Variants in MITF observed in about 807,000 individuals in gnomAD.
MITF encodes microphthalmia-associated transcription factor.
Under a neutral mutation model 60.5 loss-of-function variants are expected in MITF, and 17 were observed. That is an observed-to-expected ratio of 0.28 (90% CI 0.19 to 0.42). The LOEUF (loss-of-function observed/expected upper bound fraction) is 0.42, where lower values mean the gene tolerates loss of function less well. Ranked by LOEUF, MITF falls within the 10% of genes least tolerant of loss-of-function variation. The pLI is 1.00. For missense variants in MITF, 622 were observed against 683.5 expected (o/e 0.91, Z 1.00); for synonymous variants, 260 against 248.5 (o/e 1.05, Z -0.43).
At chr3:69,880,608 A>G (rs899976661) in intron 2 of MITF, among the ~76,000 whole-genome samples, 2 of 151,934 alleles carry the variant, frequency 1.3e-5, no homozygotes, top group African/African-American at 4.8e-5. Context: ...AGTTAACTCA[A>G]GGTTTTCTCT....
In MITF at chr3:69,872,961, G is replaced by C. The variant is rs373123783; in HGVS notation, c.105-6173G>C. 2.6e-5 allele frequency among the ~76,000 whole-genome samples: 4 copies of C among 152,276 alleles called. No homozygotes were observed. In the East Asian group the frequency reaches 5.8e-4, roughly 22 times the overall value. Reference sequence around the variant, plus strand: ...TCTAGCAGCACCTAGCTTTTGGAAAGCATTTGCGTGGGGCATGAGGCTATG... The same window carrying C: ...TCTAGCAGCACCTAGCTTTTGGAAACCATTTGCGTGGGGCATGAGGCTATG... On this transcript the variant is annotated intron_variant, in intron 1 of 9. Coordinates refer to ENST00000352241, the MANE Select transcript of MITF (RefSeq NM_001354604.2).
chr3:69,774,013 T>C (rs1165005251), intron 1 of MITF, among the ~76,000 whole-genome samples: 2 of 152,212 alleles, frequency 1.3e-5, no homozygotes, highest in African/African-American at 4.8e-5. Flanking sequence ...ACAGTCCTGG[T>C]TAAGACAGTA....
At chr3:69,883,275 A>G (rs1412402479) in intron 2 of MITF, among the ~76,000 whole-genome samples, 1 of 152,200 alleles carries the variant, frequency 6.6e-6, no homozygotes, top group African/African-American at 2.4e-5. Flanking sequence ...ATACAGAAGC[A>G]CTTTTTCTGG....
At chr3:69,946,664 A>G (rs948636652) in intron 5 of MITF, among the ~76,000 whole-genome samples, 2 of 152,156 alleles carry the variant, frequency 1.3e-5, no homozygotes, top group Non-Finnish European at 2.9e-5. Flanking sequence ...CTAATCAGCA[A>G]GTATGGGAAA....
At chr3:69,934,452 T>C (rs2065787793) in intron 2 of MITF, among the ~76,000 whole-genome samples, 1 of 152,222 alleles carries the variant, frequency 6.6e-6, no homozygotes, top group Admixed American at 6.5e-5. Flanking sequence ...AAAAGGATCC[T>C]AAGACAAAAA....
Position 69,812,117 on chromosome 3 carries a change from C to T in MITF, c.105-67017C>T, listed in dbSNP as rs558877936. 6.6e-5 allele frequency among the ~76,000 whole-genome samples: 10 copies of T among 152,116 alleles called. No homozygotes were observed. In the South Asian group the frequency reaches 2.1e-3, roughly 32 times the overall value. ...CTTTTCAGTAACCAGTGGGGCAGTA[C>T]TAAAAATAGAAATGGGGTAAGGAGA... is the stretch of plus-strand genomic sequence containing the variant. On this transcript the variant is annotated intron_variant, in intron 1 of 9. Coordinates refer to ENST00000352241, the MANE Select transcript of MITF (RefSeq NM_001354604.2).
At chr3:69,958,900 C>T (rs571378240) in intron 8 of MITF, among the ~76,000 whole-genome samples, 283 of 151,898 alleles carry the variant, frequency 1.9e-3, no homozygotes, top group Middle Eastern at 6.8e-3. Flanking sequence ...ACACTAGGCA[C>T]GTGGCAAACA....
Position 69,938,042 on chromosome 3 carries a change from A to G in MITF, c.575A>G (p.Glu192Gly). Reference sequence around the variant, plus strand: ...ATGCTTACGCTTAACTCCAACTGTGAAAAAGAGGTAATTCATGTCTCCTCT... The same window carrying G: ...ATGCTTACGCTTAACTCCAACTGTGGAAAAGAGGTAATTCATGTCTCCTCT... ...MAMLTLNSNC[E>G]KEGFYKFEEQ... is the part of the protein sequence containing the mutation. Residue 192 changes from glutamate to glycine, a missense_variant, in exon 3 of 10, where the codon GAA (glutamate) becomes GGA (glycine). Physicochemically the swap from Glu to Gly is moderately conservative, Grantham distance 98 (BLOSUM62 -2). Transcript: ENST00000352241. 2 of 1,613,972 alleles carry G rather than the reference A, an allele frequency of 1.2e-6. No homozygotes were observed. Among genetic ancestry groups the G allele is most frequent in the Non-Finnish European group, 1.7e-6 (2 of 1,179,864 alleles).
At chr3:69,836,940 T>G (rs2063549882) in intron 1 of MITF, among the ~76,000 whole-genome samples, 1 of 152,150 alleles carries the variant, frequency 6.6e-6, no homozygotes, top group Admixed American at 6.6e-5. Context: ...GTAGAACTGA[T>G]CCAATGGAAA....
chr3:69,823,910 G>T (rs911325775), intron 1 of MITF, among the ~76,000 whole-genome samples: 1 of 152,126 alleles, frequency 6.6e-6, no homozygotes, highest in Non-Finnish European at 1.5e-5. Context: ...TAGCAGAATG[G>T]CCAGAGCTTA....
At chr3:69,788,126 C>G (rs1338376781) in intron 1 of MITF, among the ~76,000 whole-genome samples, 1 of 142,838 alleles carries the variant, frequency 7.0e-6, no homozygotes. Flanking sequence ...CCACTATTTT[C>G]TTTTTCTTTT....
chr3:69,940,698 T>C (rs1030446425), intron 4 of MITF, among the ~76,000 whole-genome samples: 1 of 152,146 alleles, frequency 6.6e-6, no homozygotes, highest in South Asian at 2.1e-4. Context: ...GGTGTTTTCC[T>C]TCTGCAAGAA....
intron 1 of MITF, among the ~76,000 whole-genome samples, chr3:69,807,178 T>G (rs943432735): frequency 6.6e-6 from 1 of 152,202 alleles, no homozygotes; most frequent in African/African-American, 2.4e-5. Context: ...TGGTTGGTGG[T>G]CTTATTGCCT....
At chr3:69,789,956 A>G (rs1435835240) in intron 1 of MITF, among the ~76,000 whole-genome samples, 1 of 152,178 alleles carries the variant, frequency 6.6e-6, no homozygotes, top group Non-Finnish European at 1.5e-5. Context: ...GCAGGGTCCT[A>G]TAGATAATTG....
chr3:69,802,183 T>C (rs995223161), intron 1 of MITF, among the ~76,000 whole-genome samples: 1 of 152,008 alleles, frequency 6.6e-6, no homozygotes, highest in Admixed American at 6.6e-5. Flanking sequence ...CTGTTTTTGG[T>C]GGTCCCAACT....
At chr3:69,896,015 C>T (rs2107333990) in intron 2 of MITF, among the ~76,000 whole-genome samples, 1 of 152,070 alleles carries the variant, frequency 6.6e-6, no homozygotes, top group East Asian at 1.9e-4. Flanking sequence ...TCTCTTTCTC[C>T]TTCCTGCCTT....
chr3:69,749,815 T>C (rs991485256), intron 1 of MITF, among the ~76,000 whole-genome samples: 13 of 152,184 alleles, frequency 8.5e-5, no homozygotes, highest in African/African-American at 2.9e-4. Flanking sequence ...GCATCTTGTA[T>C]CATCTCAGCG....
At chr3:69,781,514 C>T (rs774247804) in intron 1 of MITF, among the ~76,000 whole-genome samples, 2 of 152,082 alleles carry the variant, frequency 1.3e-5, no homozygotes, top group Non-Finnish European at 2.9e-5. Context: ...AAGCCCAGGG[C>T]CCTGTGCACC....
chr3:69,789,716 C>T (rs1168159622), intron 1 of MITF, among the ~76,000 whole-genome samples: 15 of 152,038 alleles, frequency 9.9e-5, no homozygotes, highest in Non-Finnish European at 2.2e-4. Context: ...TTTAGCTGGG[C>T]GTGGTGGCAC....
Sources: allele counts gnomAD v4.1 joint callset (sites outside exome capture counted in the v4.1 genomes callset), GRCh38; gene constraint gnomAD v4.1.1; transcripts MANE v1.5; gene names NCBI Gene and HGNC (gene_info 2026-07-23, HGNC 2026-07-21).